Variants in CYB5B observed in about 807,000 individuals in gnomAD.
CYB5B encodes cytochrome b5 type B (outer mitochondrial membrane).
In CYB5B, 14 loss-of-function variants were observed where a neutral mutation model predicts 21.3. The observed-to-expected ratio is 0.66, with a 90% CI of 0.43 to 1.03. The LOEUF is 1.03. Ranked by LOEUF, CYB5B falls within the 50% of genes least tolerant of loss-of-function variation. The pLI, the probability that CYB5B is intolerant of heterozygous loss-of-function variation, is 0.00. For missense variants in CYB5B, 166 were observed against 185.1 expected (o/e 0.90, Z 0.60); for synonymous variants, 69 against 68.4 (o/e 1.01, Z -0.04).
chr16:69,427,015 A>G (rs952625882), intron 1 of CYB5B, among the ~76,000 whole-genome samples: 1 of 152,176 alleles, frequency 6.6e-6, no homozygotes, highest in Non-Finnish European at 1.5e-5. Context: ...ACAGGCGGGC[A>G]GATCACCTGA....
intron 1 of CYB5B, among the ~76,000 whole-genome samples, chr16:69,438,299 C>T (rs1188489329): frequency 1.3e-5 from 2 of 152,110 alleles, no homozygotes; most frequent in Admixed American, 6.5e-5. Flanking sequence ...ATCTATTCAT[C>T]TGTTTATAGG....
At chr16:69,448,448 T>C in intron 3 of CYB5B, 1 of 340,850 alleles carries the variant, frequency 2.9e-6, no homozygotes, top group Non-Finnish European at 5.3e-6. Context: ...TGGAAAAATA[T>C]CTTACTTTTA....
intron 4 of CYB5B, among the ~76,000 whole-genome samples, chr16:69,461,009 C>CT (rs2015030013): frequency 6.6e-6 from 1 of 152,098 alleles, no homozygotes; most frequent in Non-Finnish European, 1.5e-5. Context: ...CATTCTCAGT[C>CT]TTTTGTACTA....
At position 69,462,462 on chromosome 16, in the gene CYB5B, G is replaced by A. The variant is rs756573347; in HGVS notation, c.395G>A (p.Gly132Asp). 6.2e-7 allele frequency: 1 copy of A among 1,614,104 alleles called. No individual in the cohort carries two copies. Among genetic ancestry groups the A allele is most frequent in the Admixed American group, 1.7e-5 (1 of 60,014 alleles). Residue 132 changes from glycine (G) to aspartate (D), a missense_variant, in exon 5 of 5, where the codon GGC becomes GAC. Physicochemically the swap from Gly to Asp is moderately conservative, Grantham distance 94. Coordinates refer to ENST00000307892, the MANE Select transcript of CYB5B (RefSeq NM_030579.3). Reference protein sequence around the residue: ...CWAYWILPIIGAVLLGFLYRY... With the variant: ...CWAYWILPIIDAVLLGFLYRY... The stretch of plus-strand genomic sequence containing the variant: ...GCATATTGGATTTTACCCATCATAG[G>A]CGCTGTTCTCTTAGGTTTCCTGTAC...
intron 1 of CYB5B, among the ~76,000 whole-genome samples, chr16:69,431,289 A>G (rs531402161): frequency 6.6e-6 from 1 of 152,082 alleles, no homozygotes; most frequent in African/African-American, 2.4e-5. Context: ...GCACCGGCCT[A>G]TATGTGTTTT....
intron 3 of CYB5B, among the ~76,000 whole-genome samples, chr16:69,458,692 T>C (rs913329737): frequency 5.9e-5 from 9 of 152,332 alleles, no homozygotes; most frequent in African/African-American, 2.2e-4. Context: ...AGAAGAGCTT[T>C]TTGGACTTTA....
chr16:69,462,722 C>G lies in CYB5B; in HGVS notation c.*202C>G, dbSNP rs1479993329. The G allele has an allele frequency of 5.4e-6, 3 of 552,822 alleles. No individual in the cohort carries two copies. The highest frequency in any genetic ancestry group is 1.9e-5 in the African/African-American group (1 of 52,898). 34.2% of individuals were successfully genotyped at this position (552,822 alleles called of 1,614,324 possible). A position where few individuals can be genotyped will look rare whatever the true frequency, so the allele number is the denominator to read the frequency against. ...GAGCCTTACTCCCAAAGTACCTGCTCACTGTTCCGTGTTGAACAATTGCCG... is the reference window on the plus strand; with the variant it reads ...GAGCCTTACTCCCAAAGTACCTGCTGACTGTTCCGTGTTGAACAATTGCCG... On this transcript the variant is annotated 3_prime_UTR_variant, in exon 5 of 5. Coordinates refer to ENST00000307892, the MANE Select transcript of CYB5B (RefSeq NM_030579.3).
rs1357862520 is a variant in CYB5B, at chr16:69,462,472, C to G, written c.405C>G (p.Leu135=). The change falls in exon 5 of 5, where the codon CTC becomes CTG. Residue 135 remains leucine, a synonymous_variant. Transcript: ENST00000307892. ...TTTTACCCATCATAGGCGCTGTTCT[C>G]TTAGGTTTCCTGTACCGCTACTACA... ...YWILPIIGAV[L]LGFLYRYYTS... is the part of the protein sequence containing the mutation. 4 of 1,614,040 alleles carry G rather than the reference C, an allele frequency of 2.5e-6. No individual in the cohort carries two copies. The highest frequency in any genetic ancestry group is 3.4e-6 in the Non-Finnish European group (4 of 1,180,028).
At position 69,462,682 on chromosome 16, in the gene CYB5B, G is replaced by A. The variant is rs899639094; in HGVS notation, c.*162G>A. 1.1e-5 allele frequency: 7 copies of A among 616,130 alleles called. No individual in the cohort carries two copies. The highest frequency in any genetic ancestry group is 8.6e-5 in the East Asian group (3 of 34,928). The allele number at this position is 616,130 out of a possible 1,614,324, so 38.2% of individuals were successfully genotyped here. On this transcript the variant is annotated 3_prime_UTR_variant, in exon 5 of 5. Transcript: ENST00000307892. Reference sequence around the variant, plus strand: ...ACATCACCTCAGATCTGAGACCAGCGTCTTCCATCTCTCAGAGCCTTACTC... The same window carrying A: ...ACATCACCTCAGATCTGAGACCAGCATCTTCCATCTCTCAGAGCCTTACTC...
At chr16:69,452,379 A>C (rs898586075) in intron 3 of CYB5B, among the ~76,000 whole-genome samples, 1 of 150,554 alleles carries the variant, frequency 6.6e-6, no homozygotes, top group Admixed American at 6.6e-5. Flanking sequence ...GCTTCTCTTT[A>C]CTTAAAAATT....
chr16:69,446,050 G>T (rs1203125253), intron 1 of CYB5B, among the ~76,000 whole-genome samples: 1 of 152,064 alleles, frequency 6.6e-6, no homozygotes. Context: ...TTTTCAGAGA[G>T]ATTTTATGCA....
At chr16:69,459,215 G>A in intron 4 of CYB5B, 94 bp downstream of exon 4, 1 of 1,442,570 alleles carries the variant, frequency 6.9e-7, no homozygotes, top group Non-Finnish European at 9.3e-7. Context: ...ACTTATGAGT[G>A]CAGTTTGACA....
chr16:69,431,415 G>A (rs16958866), intron 1 of CYB5B, among the ~76,000 whole-genome samples: 16,222 of 152,148 alleles, frequency 0.11, 1,068 homozygotes, highest in African/African-American at 0.17. Context: ...GGCCCTGGTG[G>A]TGTATAAAAA....
At chr16:69,452,055 A>ATTCATAAGGATGTACTC (rs1271254160) in intron 3 of CYB5B, among the ~76,000 whole-genome samples, 19 of 151,872 alleles carry the variant, frequency 1.3e-4, no homozygotes, top group Non-Finnish European at 2.5e-4. Context: ...TCTTCCAAAG[A>ATTCATAAGGATGTACTC]TTCCATGCAT....
intron 3 of CYB5B, among the ~76,000 whole-genome samples, chr16:69,454,881 T>C (rs1289619559): frequency 6.6e-6 from 1 of 152,162 alleles, no homozygotes; most frequent in Non-Finnish European, 1.5e-5. Flanking sequence ...CCCTGTTTTT[T>C]GGGGTTTTTG....
chr16:69,439,658 C>G (rs934935618), intron 1 of CYB5B, among the ~76,000 whole-genome samples: 2 of 152,006 alleles, frequency 1.3e-5, no homozygotes, highest in Non-Finnish European at 2.9e-5. Flanking sequence ...CCTCCACCTC[C>G]TAGGTTCAAG....
intron 1 of CYB5B, among the ~76,000 whole-genome samples, chr16:69,442,551 T>C (rs2014834923): frequency 6.6e-6 from 1 of 152,150 alleles, no homozygotes; most frequent in Non-Finnish European, 1.5e-5. Flanking sequence ...ATTTTTTTAG[T>C]GACAGGGTCT....
At chr16:69,433,088 A>G (rs575211049) in intron 1 of CYB5B, among the ~76,000 whole-genome samples, 1 of 152,274 alleles carries the variant, frequency 6.6e-6, no homozygotes, top group Non-Finnish European at 1.5e-5. Context: ...CTGAGCCACC[A>G]TGCCCGGCCT....
intron 1 of CYB5B, among the ~76,000 whole-genome samples, chr16:69,441,166 T>TG (rs2014819307): frequency 6.6e-6 from 1 of 151,058 alleles, no homozygotes; most frequent in Non-Finnish European, 1.5e-5. Flanking sequence ...TTTTTTTTTT[T>TG]TTTTTGAGAT....
Sources: allele counts gnomAD v4.1 joint callset (sites outside exome capture counted in the v4.1 genomes callset), GRCh38; gene constraint gnomAD v4.1.1; transcripts MANE v1.5; gene names NCBI Gene and HGNC (gene_info 2026-07-23, HGNC 2026-07-21).